Variants in PJA2 observed in about 807,000 individuals in gnomAD.
The protein encoded by PJA2 is E3 ubiquitin-protein ligase Praja-2.
A neutral mutation model predicts 69.3 loss-of-function variants in PJA2; 25 were observed. That is an observed-to-expected ratio of 0.36 (90% confidence interval 0.26 to 0.50). The LOEUF (loss-of-function observed/expected upper bound fraction) is 0.50, where lower values mean the gene tolerates loss of function less well. Among genes scored for constraint, PJA2 ranks in the 20% least tolerant of loss-of-function variants. PJA2 has a pLI of 0.96. For synonymous variants in PJA2, 308 were observed against 277.8 expected (o/e 1.11, Z -1.08); for missense variants, 809 against 830.2 (o/e 0.97, Z 0.31).
At chr5:109,338,468 C>T (rs1761984419) in intron 9 of PJA2, among the ~76,000 whole-genome samples, 1 of 151,814 alleles carries the variant, frequency 6.6e-6, no homozygotes, top group South Asian at 2.1e-4. Flanking sequence ...GGTGAAACCC[C>T]GTCTGTACTA....
At chr5:109,407,966 T>C (rs1313895156) in intron 1 of PJA2, among the ~76,000 whole-genome samples, 2 of 152,162 alleles carry the variant, frequency 1.3e-5, no homozygotes, top group African/African-American at 2.4e-5. Flanking sequence ...TAGCTAAGGA[T>C]TTTTAGTTCA....
chr5:109,368,234 CTT>C (rs1762618259), intron 5 of PJA2, among the ~76,000 whole-genome samples: 1 of 152,186 alleles, frequency 6.6e-6, no homozygotes, highest in Non-Finnish European at 1.5e-5. Flanking sequence ...TGATTTCCCT[CTT>C]GAGGCTGTCC....
intron 9 of PJA2, among the ~76,000 whole-genome samples, chr5:109,338,618 C>A (rs1423097343): frequency 9.4e-6 from 1 of 106,014 alleles, no homozygotes; most frequent in African/African-American, 3.9e-5. Flanking sequence ...GCCTGGGCAA[C>A]AGAGTGAAAC....
intron 1 of PJA2, among the ~76,000 whole-genome samples, chr5:109,403,896 C>T (rs1298779057): frequency 1.3e-5 from 2 of 151,876 alleles, no homozygotes; most frequent in Non-Finnish European, 1.5e-5. Context: ...ATGGTAAAAC[C>T]CCATTTCTAC....
At chr5:109,380,767 T>C (rs531649187) in intron 3 of PJA2, among the ~76,000 whole-genome samples, 3 of 132,198 alleles carry the variant, frequency 2.3e-5, no homozygotes, top group Non-Finnish European at 4.6e-5. Context: ...ATCACGTCAC[T>C]GCACACCAGC....
intron 5 of PJA2, among the ~76,000 whole-genome samples, chr5:109,364,973 T>A (rs534376224): frequency 8.3e-4 from 126 of 152,298 alleles, no homozygotes; most frequent in African/African-American, 3.0e-3. Context: ...ATTCTGATAA[T>A]ACCCTGTGTG....
chr5:109,358,489 T>C (rs972656891), intron 6 of PJA2, among the ~76,000 whole-genome samples: 15 of 152,192 alleles, frequency 9.9e-5, no homozygotes, highest in Admixed American at 3.3e-4. Context: ...CACACCTCTA[T>C]ATTTCTGTGT....
At chr5:109,385,934 T>G (rs1263970706) in intron 1 of PJA2, among the ~76,000 whole-genome samples, 1 of 152,184 alleles carries the variant, frequency 6.6e-6, no homozygotes, top group Non-Finnish European at 1.5e-5. Context: ...ACAATACTTT[T>G]AATAATTGTG....
chr5:109,368,760 G>A lies in PJA2; in HGVS notation c.1284-14C>T, dbSNP rs1188909960. On this transcript the variant is annotated splice_polypyrimidine_tract_variant and intron_variant, in intron 4 of 9. Coordinates refer to ENST00000361189, the MANE Select transcript of PJA2 (RefSeq NM_014819.5). ...CTGCATTCAGAACTGCAAATCAGAAGAGAAATAAACTATCATAATGTGTTC... is the reference window on the plus strand; with the variant it reads ...CTGCATTCAGAACTGCAAATCAGAAAAGAAATAAACTATCATAATGTGTTC... 3 of 1,606,514 alleles carry A rather than the reference G, an allele frequency of 1.9e-6. No homozygotes were observed. Among genetic ancestry groups the A allele is most frequent in the Non-Finnish European group, 2.5e-6 (3 of 1,176,850 alleles).
At chr5:109,394,161 C>T (rs1747351907) in intron 1 of PJA2, among the ~76,000 whole-genome samples, 1 of 149,806 alleles carries the variant, frequency 6.7e-6, no homozygotes, top group Non-Finnish European at 1.5e-5. Flanking sequence ...AAATCTCCTG[C>T]CTCAGCCTCC....
At position 109,335,203 on chromosome 5, in the gene PJA2, T is replaced by C. The variant is rs1407161119; in HGVS notation, c.*2028A>G. 1 of 152,658 alleles carries C rather than the reference T, an allele frequency of 6.6e-6. No homozygotes were observed. The highest frequency in any genetic ancestry group is 1.9e-4 in the East Asian group (1 of 5,202). 9.5% of individuals were successfully genotyped at this position (152,658 alleles called of 1,614,324 possible). Reference sequence around the variant, plus strand: ...AAAATCCTAAAACCTCAATTTTCTTTTTCTTTTTTAAAATTTAAGCCAACT... The same window carrying C: ...AAAATCCTAAAACCTCAATTTTCTTCTTCTTTTTTAAAATTTAAGCCAACT... On this transcript the variant is annotated 3_prime_UTR_variant, in exon 10 of 10. Coordinates refer to ENST00000361189, the MANE Select transcript of PJA2 (RefSeq NM_014819.5).
chr5:109,396,588 C>G (rs139614607), intron 1 of PJA2, among the ~76,000 whole-genome samples: 1 of 150,868 alleles, frequency 6.6e-6, no homozygotes, highest in Non-Finnish European at 1.5e-5. Flanking sequence ...CACCACGTCC[C>G]GCTAAATTTT....
intron 5 of PJA2, among the ~76,000 whole-genome samples, chr5:109,364,195 G>T (rs1242887137): frequency 6.6e-6 from 1 of 152,012 alleles, no homozygotes; most frequent in African/African-American, 2.4e-5. Flanking sequence ...GGACAACTGG[G>T]TATTCGCCCG....
At chr5:109,403,097 G>C (rs1747598335) in intron 1 of PJA2, among the ~76,000 whole-genome samples, 2 of 151,550 alleles carry the variant, frequency 1.3e-5, no homozygotes, top group South Asian at 4.1e-4. Flanking sequence ...ACTCTGAAAA[G>C]ATTAATAAAA....
intron 4 of PJA2, among the ~76,000 whole-genome samples, chr5:109,374,844 T>C (rs1746823504): frequency 6.6e-6 from 1 of 152,212 alleles, no homozygotes; most frequent in Admixed American, 6.5e-5. Flanking sequence ...TATGCTAGTA[T>C]TGCTGAAAGG....
intron 7 of PJA2, among the ~76,000 whole-genome samples, chr5:109,345,490 G>C (rs1762157352): frequency 7.3e-6 from 1 of 137,890 alleles, no homozygotes; most frequent in Non-Finnish European, 1.5e-5. Context: ...CTCCAGCCTG[G>C]GTGACAGAGC....
chr5:109,364,419 C>T (rs1052616929), intron 5 of PJA2, among the ~76,000 whole-genome samples: 2 of 151,292 alleles, frequency 1.3e-5, no homozygotes, highest in African/African-American at 2.4e-5. Context: ...GTCAGGAGAT[C>T]GAGACCATCC....
intron 7 of PJA2, among the ~76,000 whole-genome samples, chr5:109,354,937 G>A (rs1762388052): frequency 1.3e-5 from 2 of 151,418 alleles, no homozygotes; most frequent in African/African-American, 4.9e-5. Flanking sequence ...TAACATAATT[G>A]GACCCTATCT....
At chr5:109,407,870 C>A (rs1747725249) in intron 1 of PJA2, among the ~76,000 whole-genome samples, 1 of 152,070 alleles carries the variant, frequency 6.6e-6, no homozygotes, top group South Asian at 2.1e-4. Flanking sequence ...AATGGAGAGG[C>A]CACATTTCTG....
Sources: allele counts gnomAD v4.1 joint callset (sites outside exome capture counted in the v4.1 genomes callset), GRCh38; gene constraint gnomAD v4.1.1; transcripts MANE v1.5; gene names NCBI Gene and HGNC (gene_info 2026-07-23, HGNC 2026-07-21).